The following GALNT13 variants were observed in gnomAD, a reference collection of about 807,000 sequenced individuals.
GALNT13 encodes polypeptide N-acetylgalactosaminyltransferase 13.
In GALNT13, 28 loss-of-function variants were observed where a neutral mutation model predicts 64.2. The observed-to-expected ratio is 0.44, with a 90% CI of 0.32 to 0.60. GALNT13 has a LOEUF of 0.60. Ranked by LOEUF, GALNT13 falls within the 20% of genes least tolerant of loss-of-function variation. The pLI is 0.05. For missense variants in GALNT13, 577 were observed against 669.8 expected, an observed-to-expected ratio of 0.86 and a Z score of 1.53; for synonymous variants, 214 against 224.6, an observed-to-expected ratio of 0.95 and a Z score of 0.42.
chr2:154,376,482 A>G (rs529585562), intron 9 of GALNT13, among the ~76,000 whole-genome samples: 3 of 152,302 alleles, frequency 2.0e-5, no homozygotes, highest in Admixed American at 2.0e-4. Context: ...AGAATGTAAG[A>G]ATTAATGCCT....
intron 4 of GALNT13, among the ~76,000 whole-genome samples, chr2:154,172,539 A>G (rs1409174967): frequency 1.3e-5 from 2 of 151,934 alleles, no homozygotes; most frequent in Admixed American, 6.6e-5. Context: ...GAGAACACGT[A>G]GTATTTATTT....
the GALNT13 span, among the ~76,000 whole-genome samples, chr2:153,495,015 G>A: frequency 6.6e-6 from 1 of 152,076 alleles, no homozygotes; most frequent in Non-Finnish European, 1.5e-5. Flanking sequence ...AAATCAGAAT[G>A]AGATAATACT....
intron 3 of GALNT13, among the ~76,000 whole-genome samples, chr2:153,950,967 A>T (rs994702983): frequency 7.9e-5 from 12 of 152,146 alleles, no homozygotes; most frequent in Non-Finnish European, 1.2e-4. Context: ...GATTATATAC[A>T]GTATAATACT....
chr2:153,289,441 A>G, the GALNT13 span, among the ~76,000 whole-genome samples: 3 of 152,206 alleles, frequency 2.0e-5, no homozygotes, highest in Non-Finnish European at 4.4e-5. Flanking sequence ...CCCATTTTAT[A>G]GATGATAAAA....
At chr2:153,605,898 G>A in the GALNT13 span, among the ~76,000 whole-genome samples, 45,629 of 151,924 alleles carry the variant, frequency 0.3, 7,228 homozygotes, top group South Asian at 0.43. Context: ...GAGATTTCAC[G>A]CAGTGTCTGC....
At chr2:153,230,012 T>C in the GALNT13 span, among the ~76,000 whole-genome samples, 1 of 152,248 alleles carries the variant, frequency 6.6e-6, no homozygotes, top group Non-Finnish European at 1.5e-5. Flanking sequence ...TTGGATTCTG[T>C]ACTCTAAGAA....
At chr2:153,775,953 A>G in the GALNT13 span, among the ~76,000 whole-genome samples, 1 of 152,150 alleles carries the variant, frequency 6.6e-6, no homozygotes, top group Non-Finnish European at 1.5e-5. Flanking sequence ...ATTATTCATT[A>G]GAAACTTTGT....
intron 11 of GALNT13, among the ~76,000 whole-genome samples, chr2:154,428,122 C>T (rs978882739): frequency 3.9e-5 from 6 of 152,092 alleles, no homozygotes; most frequent in African/African-American, 1.2e-4. Flanking sequence ...GAATTGACTG[C>T]GTTCCAAATA....
intron 8 of GALNT13, among the ~76,000 whole-genome samples, chr2:154,284,675 A>G (rs1692160836): frequency 6.6e-6 from 1 of 152,130 alleles, no homozygotes; most frequent in African/African-American, 2.4e-5. Flanking sequence ...TATCTCCTTC[A>G]TATATGAATT....
chr2:154,402,379 T>A (rs551618021), intron 10 of GALNT13, among the ~76,000 whole-genome samples: 2 of 152,160 alleles, frequency 1.3e-5, no homozygotes, highest in Non-Finnish European at 2.9e-5. Context: ...GATGCTGCAA[T>A]GCACAGAAAC....
chr2:153,587,422 T>C, the GALNT13 span, among the ~76,000 whole-genome samples: 1 of 152,076 alleles, frequency 6.6e-6, no homozygotes, highest in Non-Finnish European at 1.5e-5. Context: ...GAAAGAGGTT[T>C]AATAGACTCA....
At chr2:153,244,828 C>G in the GALNT13 span, among the ~76,000 whole-genome samples, 1 of 152,198 alleles carries the variant, frequency 6.6e-6, no homozygotes, top group African/African-American at 2.4e-5. Flanking sequence ...GTCAAGTGGT[C>G]TCATTCAGTG....
At chr2:154,267,571 C>A (rs975562972) in intron 8 of GALNT13, among the ~76,000 whole-genome samples, 2 of 151,994 alleles carry the variant, frequency 1.3e-5, no homozygotes, top group Non-Finnish European at 2.9e-5. Context: ...ACCTGGGAGG[C>A]GGAGCTTGCA....
the GALNT13 span, among the ~76,000 whole-genome samples, chr2:153,725,060 T>C: frequency 6.7e-6 from 1 of 150,098 alleles, no homozygotes; most frequent in Non-Finnish European, 1.5e-5. Context: ...CCAACCCAAA[T>C]GTCCAACAAT....
the GALNT13 span, among the ~76,000 whole-genome samples, chr2:153,771,957 C>A: frequency 6.6e-6 from 1 of 152,098 alleles, no homozygotes; most frequent in Non-Finnish European, 1.5e-5. Context: ...GGGAGCAGTC[C>A]GGGGCACCCA....
At chr2:153,625,828 G>T in the GALNT13 span, among the ~76,000 whole-genome samples, 1 of 151,960 alleles carries the variant, frequency 6.6e-6, no homozygotes, top group Non-Finnish European at 1.5e-5. Flanking sequence ...GGAGATGTTG[G>T]AGGGCTGGTC....
intron 3 of GALNT13, among the ~76,000 whole-genome samples, chr2:154,061,701 T>A (rs1156231535): frequency 6.6e-6 from 1 of 151,926 alleles, no homozygotes; most frequent in Non-Finnish European, 1.5e-5. Flanking sequence ...TTCAAAGTGT[T>A]TTTAATGACC....
intron 3 of GALNT13, among the ~76,000 whole-genome samples, chr2:154,031,465 A>G (rs1698334037): frequency 6.6e-6 from 1 of 152,034 alleles, no homozygotes; most frequent in South Asian, 2.1e-4. Context: ...AAACTGAATG[A>G]CAGATTGGGT....
intron 3 of GALNT13, among the ~76,000 whole-genome samples, chr2:154,133,537 TATATATA>T (rs1558977090): frequency 6.9e-4 from 5 of 7,214 alleles, no homozygotes; most frequent in African/African-American, 2.8e-3. Context: ...GACCATTTTA[TATATATA>T]TATATATATA....
Sources: allele counts gnomAD v4.1 joint callset (sites outside exome capture counted in the v4.1 genomes callset), GRCh38; gene constraint gnomAD v4.1.1; transcripts MANE v1.5; gene names NCBI Gene and HGNC (gene_info 2026-07-23, HGNC 2026-07-21).